NSMCE4A: variants seen among roughly 807,000 people sequenced by gnomAD.
The protein encoded by NSMCE4A is non-structural maintenance of chromosomes element 4 homolog A.
NSMCE4A carries 40 observed loss-of-function variants against 47.9 expected under a neutral mutation model. The observed-to-expected ratio is 0.83, with a 90% CI of 0.65 to 1.09. NSMCE4A has a LOEUF of 1.09. Ranked by LOEUF, NSMCE4A falls within the 50% of genes least tolerant of loss-of-function variation. The probability of loss-of-function intolerance (pLI) is 0.00; values close to 1 mark genes in which losing one functional copy is unlikely to be tolerated. For missense variants in NSMCE4A, 500 were observed against 507.0 expected (o/e 0.99, Z 0.13); for synonymous variants, 166 against 178.5 (o/e 0.93, Z 0.56).
intron 3 of NSMCE4A, among the ~76,000 whole-genome samples, chr10:121,968,467 C>T (rs995484251): frequency 1.3e-5 from 2 of 152,144 alleles, no homozygotes; most frequent in African/African-American, 4.8e-5. Context: ...TTTTTGCCAA[C>T]CTCCTACAAA....
chr10:121,973,002 G>T (rs1390713447), intron 2 of NSMCE4A, among the ~76,000 whole-genome samples: 1 of 152,106 alleles, frequency 6.6e-6, no homozygotes, highest in Non-Finnish European at 1.5e-5. Context: ...TGTGGGAGGC[G>T]GAGGCAGGTG....
chr10:121,973,957 T>G (rs1420544617), intron 2 of NSMCE4A, 47 bp downstream of exon 2: 1 of 1,331,900 alleles, frequency 7.5e-7, no homozygotes, highest in Non-Finnish European at 1.1e-6. Flanking sequence ...GTAACACTAA[T>G]TAAAAGTATC....
rs1952586286 is a variant in NSMCE4A at position 121,965,314 on chromosome 10, A to G, written c.725T>C (p.Ile242Thr). 1 of 1,613,854 alleles carries G rather than the reference A, an allele frequency of 6.2e-7. No homozygotes were observed. The highest frequency in any genetic ancestry group is 8.5e-7 in the Non-Finnish European group (1 of 1,179,796). ...GGCAGGCATTGCCCTCTCCTCTTGT[A>G]TCACAGGAACTTTTCTTGGACGATC... The part of the protein sequence containing the change: ...RVDRPRKVPV[I>T]QEERAMPAQL... The change falls in exon 5 of 11, where the codon ATA becomes ACA. Residue 242 changes from isoleucine to threonine, a missense_variant. Transcript: ENST00000369023.
chr10:121,958,825 C>CTTTTTTTTTTTTTTTTT (rs778070060), intron 10 of NSMCE4A, among the ~76,000 whole-genome samples: 22 of 146,802 alleles, frequency 1.5e-4, no homozygotes, highest in Non-Finnish European at 2.9e-4. Context: ...AGCTGCAAGT[C>CTTTTTTTTTTTTTTTTT]TTTTTTTTGA....
At chr10:121,968,272 C>T (rs1384069266) in intron 3 of NSMCE4A, among the ~76,000 whole-genome samples, 1 of 152,132 alleles carries the variant, frequency 6.6e-6, no homozygotes, top group East Asian at 1.9e-4. Flanking sequence ...GCTGAGAAAC[C>T]CTGCTGTAGC....
chr10:121,963,891 G>C (rs1000576419), intron 5 of NSMCE4A, among the ~76,000 whole-genome samples: 2 of 150,610 alleles, frequency 1.3e-5, no homozygotes, highest in African/African-American at 4.9e-5. Flanking sequence ...AAGGTCAGGA[G>C]TTCGAGACCA....
chr10:121,973,510 A>T (rs531612371), intron 2 of NSMCE4A, among the ~76,000 whole-genome samples: 37 of 152,286 alleles, frequency 2.4e-4, no homozygotes, highest in Non-Finnish European at 3.2e-4. Context: ...TCACTCACTC[A>T]CACACAACAC....
intron 6 of NSMCE4A, 60 bp from the exon 7 acceptor site, chr10:121,961,577 T>G: frequency 2.0e-6 from 2 of 989,838 alleles, no homozygotes; most frequent in Non-Finnish European, 2.9e-6. Flanking sequence ...CAGTACACTC[T>G]AGCGTTAGCC....
chr10:121,973,869 A>G, intron 2 of NSMCE4A, 135 bp downstream of exon 2: 1 of 642,932 alleles, frequency 1.6e-6, no homozygotes, highest in Non-Finnish European at 2.7e-6. Flanking sequence ...CATTATTGCT[A>G]TAATGAAACG....
At chr10:121,961,718 C>A in intron 6 of NSMCE4A, 1 of 470,696 alleles carries the variant, frequency 2.1e-6, no homozygotes, top group South Asian at 4.3e-5. Flanking sequence ...CTCTAAGAAG[C>A]TGTGCTACAG....
intron 6 of NSMCE4A, among the ~76,000 whole-genome samples, chr10:121,962,564 C>T (rs938358335): frequency 6.6e-6 from 1 of 151,600 alleles, no homozygotes; most frequent in Non-Finnish European, 1.5e-5. Context: ...GGAAAAGTCA[C>T]GTAGCAGAAG....
chr10:121,973,205 C>T (rs141918115), intron 2 of NSMCE4A, among the ~76,000 whole-genome samples: 188 of 146,640 alleles, frequency 1.3e-3, no homozygotes, highest in Admixed American at 3.8e-3. Flanking sequence ...TACTGCACTC[C>T]AGCCTGGGCA....
chr10:121,961,400 A>G (rs778745151), intron 7 of NSMCE4A, 23 bp downstream of exon 7: 16 of 1,491,598 alleles, frequency 1.1e-5, no homozygotes, highest in Non-Finnish European at 1.2e-5. Context: ...AAAAGCAATT[A>G]GAAAAATAAT....
At chr10:121,970,459 G>A (rs7894889) in intron 3 of NSMCE4A, among the ~76,000 whole-genome samples, 18,596 of 135,290 alleles carry the variant, frequency 0.14, 1,424 homozygotes, top group Middle Eastern at 0.2. Flanking sequence ...GCGACAGAGC[G>A]AGACTCTGTC....
intron 2 of NSMCE4A, among the ~76,000 whole-genome samples, chr10:121,971,277 A>G (rs957924768): frequency 5.3e-5 from 8 of 151,984 alleles, no homozygotes; most frequent in South Asian, 4.2e-4. Context: ...TTGGGAGGCC[A>G]AGGCGGGCGG....
chr10:121,958,940 G>C (rs1952448483), intron 10 of NSMCE4A, among the ~76,000 whole-genome samples: 1 of 151,946 alleles, frequency 6.6e-6, no homozygotes, highest in Non-Finnish European at 1.5e-5. Flanking sequence ...TCAGCCTCCT[G>C]AGTAGCTGGG....
intron 4 of NSMCE4A, chr10:121,965,679 C>T: frequency 3.4e-6 from 1 of 291,600 alleles, no homozygotes; most frequent in Non-Finnish European, 6.3e-6. Context: ...TTCCCACCAC[C>T]CAACCTATTG....
chr10:121,963,407 C>T, intron 5 of NSMCE4A, 79 bp from the exon 6 acceptor site: 1 of 773,230 alleles, frequency 1.3e-6, no homozygotes, highest in South Asian at 1.6e-5. Flanking sequence ...CACCCAAACT[C>T]CTTTTCTTCT....
In NSMCE4A at chr10:121,960,175, G is replaced by A. The variant is rs1355274410; in HGVS notation, c.988+183C>T. The A allele has an allele frequency of 6.9e-6, 3 of 435,564 alleles. No individual in the cohort carries two copies. The highest frequency in any genetic ancestry group is 8.7e-5 in the Admixed American group (2 of 22,876). The allele number at this position is 435,564 out of a possible 1,614,324, so 27.0% of individuals were successfully genotyped here. On this transcript the variant is annotated intron_variant, in intron 8 of 10. Coordinates refer to ENST00000369023, the MANE Select transcript of NSMCE4A (RefSeq NM_017615.3). This position sits in a 1 kb window ranked among gnomAD's most constrained non-coding sequence, Gnocchi z 4.2. ...CAGCAGATGTTGAATCAATGATATA[G>A]ATGAATCCATCAAAATTTTAGACGC...
Sources: gnomAD v4.1 joint callset for allele counts (sites outside exome capture counted in the v4.1 genomes callset) on GRCh38, gnomAD v4.1.1 for gene constraint, Gnocchi (gnomAD v3.1) non-coding constraint, MANE v1.5 for transcripts, NCBI Gene and HGNC (gene_info 2026-07-23, HGNC 2026-07-21) for gene names.